SH3D19: variants seen among roughly 807,000 people sequenced by gnomAD.
SH3D19 encodes the protein SH3 domain containing 19.
A neutral mutation model predicts 112.1 loss-of-function variants in SH3D19; 58 were observed. The observed-to-expected ratio is 0.52, with a 90% CI of 0.42 to 0.64. SH3D19 has a LOEUF of 0.64. SH3D19 is among the 30% of genes least tolerant of loss of function. The pLI, the probability that SH3D19 is intolerant of heterozygous loss-of-function variation, is 0.00. For synonymous variants in SH3D19, 391 were observed against 448.5 expected, an observed-to-expected ratio of 0.87 and a Z score of 1.62; for missense variants, 1,090 against 1,263.4, an observed-to-expected ratio of 0.86 and a Z score of 2.08.
Position 151,302,018 on chromosome 4 carries a change from G to GA in SH3D19, c.112+23222dup, listed in dbSNP as rs1455852506. 3.9e-5 allele frequency among the ~76,000 whole-genome samples: 6 copies of GA among 152,266 alleles called. No homozygotes were observed. In the East Asian group the frequency reaches 9.6e-4, roughly 24 times the overall value. On this transcript the variant is annotated intron_variant, in intron 1 of 19. Coordinates refer to ENST00000604030, the MANE Select transcript of SH3D19 (RefSeq NM_001378122.1). ...AGCCCTTAAGAAGGCTGTGGTAAAT[G>GA]ACTTTGTTGTTCCCAATGATTCACT...
intron 2 of SH3D19, among the ~76,000 whole-genome samples, chr4:151,188,090 C>T (rs7681468): frequency 0.13 from 19,601 of 152,136 alleles, 2,209 homozygotes; most frequent in African/African-American, 0.29. Flanking sequence ...AGAAGACCCT[C>T]TCCAGATACC....
intron 4 of SH3D19, among the ~76,000 whole-genome samples, 198 bp downstream of exon 4, chr4:151,179,157 A>T (rs1760427862): frequency 6.6e-6 from 1 of 152,188 alleles, no homozygotes; most frequent in Non-Finnish European, 1.5e-5. Context: ...TCAAAAGAAC[A>T]TTTTCAAGCC....
chr4:151,283,386 T>G, intron 1 of SH3D19: 1 of 1,049,006 alleles, frequency 9.5e-7, no homozygotes, highest in Non-Finnish European at 1.4e-6. Flanking sequence ...AGTCAGGAGA[T>G]GAGGGTTCTA....
chr4:151,228,139 A>G (rs868278983), intron 1 of SH3D19: 12 of 692,688 alleles, frequency 1.7e-5, no homozygotes, highest in African/African-American at 7.8e-5. Context: ...CTATTGAACC[A>G]GTAATTAAAA....
intron 1 of SH3D19, among the ~76,000 whole-genome samples, chr4:151,266,493 T>G (rs773966179): frequency 6.6e-6 from 1 of 152,218 alleles, no homozygotes; most frequent in Non-Finnish European, 1.5e-5. Flanking sequence ...ATTTAGTTGC[T>G]CGACTCATAT....
rs5862951 is a variant in SH3D19, at chr4:151,199,018, CTT to C, written c.153-11557_153-11556del. The stretch of plus-strand genomic sequence containing the variant: ...TAGCAGCCTTCCCACCAGCTAACAT[CTT>C]TTTTTTTTTTTTTTTGCAAAGCCAC... On this transcript the variant is annotated intron_variant, in intron 2 of 19. Transcript: ENST00000604030. Among the ~76,000 whole-genome samples, 347 of 119,354 alleles carry C rather than the reference CTT, an allele frequency of 2.9e-3. 1 individual carries two copies. The highest frequency in any genetic ancestry group is 4.2e-3 in the Non-Finnish European group (224 of 52,804). 78.3% of individuals were successfully genotyped at this position (119,354 alleles called of 152,430 possible). A position where few individuals can be genotyped will look rare whatever the true frequency, so the allele number is the denominator to read the frequency against.
intron 14 of SH3D19, among the ~76,000 whole-genome samples, chr4:151,136,110 C>A (rs1355931127): frequency 6.6e-6 from 1 of 152,164 alleles, no homozygotes; most frequent in Non-Finnish European, 1.5e-5. Context: ...AGAAAGGAAT[C>A]TGTATTTAGC....
At chr4:151,211,270 CAAAAA>C (rs541426168) in intron 2 of SH3D19, among the ~76,000 whole-genome samples, 1 of 103,828 alleles carries the variant, frequency 9.6e-6, no homozygotes. Flanking sequence ...AACTCCATCT[CAAAAA>C]AAAAAAAAAA....
intron 1 of SH3D19, among the ~76,000 whole-genome samples, chr4:151,292,570 C>T (rs549946480): frequency 1.3e-5 from 2 of 152,260 alleles, no homozygotes; most frequent in African/African-American, 4.8e-5. Flanking sequence ...CTTTGTTAAA[C>T]AATCACACAA....
At chr4:151,282,049 C>A (rs898412114) in intron 1 of SH3D19, 1 of 1,253,130 alleles carries the variant, frequency 8.0e-7, no homozygotes, top group Admixed American at 2.1e-5. Flanking sequence ...TCCCAGTTGG[C>A]TACCCTCCTT....
In SH3D19 at chr4:151,148,124, G is replaced by A; in HGVS notation, c.1880C>T (p.Pro627Leu). The A allele has an allele frequency of 5.0e-6, 8 of 1,613,664 alleles. No individual in the cohort carries two copies. Among genetic ancestry groups the A allele is most frequent in the Non-Finnish European group, 6.8e-6 (8 of 1,179,922 alleles). Residue 627 changes from proline to leucine, a missense_variant, in exon 11 of 20, where the codon CCA becomes CTA. Transcript: ENST00000604030. The part of the protein sequence containing the change: ...QPPTKVPPER[P>L]PPPKLSATRR... Reference sequence around the variant, plus strand: ...GGTTGCAGAAAGCTTTGGGGGAGGTGGTCTCTCAGGGGGCACCTTGGTTGG... The same window carrying A: ...GGTTGCAGAAAGCTTTGGGGGAGGTAGTCTCTCAGGGGGCACCTTGGTTGG...
chr4:151,145,276 C>T (rs1753719646), intron 11 of SH3D19, among the ~76,000 whole-genome samples: 1 of 152,136 alleles, frequency 6.6e-6, no homozygotes, highest in Admixed American at 6.5e-5. Flanking sequence ...AACTGTCAGG[C>T]CTCTGAGCCC....
chr4:151,125,940 A>AG (rs1304792898), intron 19 of SH3D19, among the ~76,000 whole-genome samples: 1 of 151,574 alleles, frequency 6.6e-6, no homozygotes, highest in Non-Finnish European at 1.5e-5. Context: ...TTTAATACAA[A>AG]AAGATGAAAT....
chr4:151,288,475 A>G (rs1468069614), intron 1 of SH3D19, among the ~76,000 whole-genome samples: 9 of 152,146 alleles, frequency 5.9e-5, no homozygotes, highest in Admixed American at 5.2e-4. Flanking sequence ...GGCTGGGGGC[A>G]GTGGCTCAGG....
chr4:151,221,879 A>C (rs1209666548), intron 2 of SH3D19, among the ~76,000 whole-genome samples: 1 of 152,188 alleles, frequency 6.6e-6, no homozygotes, highest in Non-Finnish European at 1.5e-5. Flanking sequence ...AGAGATTGGG[A>C]GTGTAAGTCC....
intron 1 of SH3D19, among the ~76,000 whole-genome samples, chr4:151,267,806 G>A (rs1772926355): frequency 6.6e-6 from 1 of 152,152 alleles, no homozygotes; most frequent in Admixed American, 6.5e-5. Context: ...TGTAAAGGGG[G>A]ACTGGTTTTA....
rs745794438 is a variant in SH3D19, at chr4:151,291,341, C to A, written c.112+33900G>T. 6.2e-7 allele frequency: 1 copy of A among 1,613,924 alleles called. No individual in the cohort carries two copies. Among genetic ancestry groups the A allele is most frequent in the Admixed American group, 1.7e-5 (1 of 60,024 alleles). ...CTCTCTCTGGCTCTCCTGCGTCCCTCCTGTGCCTTTGGACCTAACACTATA... is the reference window on the plus strand; with the variant it reads ...CTCTCTCTGGCTCTCCTGCGTCCCTACTGTGCCTTTGGACCTAACACTATA... On this transcript the variant is annotated intron_variant, in intron 1 of 19. Transcript: ENST00000604030.
At chr4:151,244,250 T>C (rs1438688160) in intron 1 of SH3D19, among the ~76,000 whole-genome samples, 1 of 152,026 alleles carries the variant, frequency 6.6e-6, no homozygotes, top group African/African-American at 2.4e-5. Flanking sequence ...AACCCAACCC[T>C]GCTTAAGGGT....
intron 2 of SH3D19, among the ~76,000 whole-genome samples, chr4:151,188,721 T>C (rs188631363): frequency 6.6e-6 from 1 of 152,194 alleles, no homozygotes; most frequent in Non-Finnish European, 1.5e-5. Flanking sequence ...TCTCTTTTGT[T>C]GAGAAGGAAG....
Sources: gnomAD v4.1 joint callset for allele counts (sites outside exome capture counted in the v4.1 genomes callset) on GRCh38, gnomAD v4.1.1 for gene constraint, MANE v1.5 for transcripts, NCBI Gene and HGNC (gene_info 2026-07-23, HGNC 2026-07-21) for gene names.